SELENOT: variants seen among roughly 807,000 people sequenced by gnomAD.
The protein encoded by SELENOT is selenoprotein T.
In SELENOT, 9 loss-of-function variants were observed where a neutral mutation model predicts 24.3. The observed-to-expected ratio is 0.37, with a 90% CI of 0.22 to 0.65. The LOEUF (loss-of-function observed/expected upper bound fraction) is 0.65, where lower values mean the gene tolerates loss of function less well. SELENOT is among the 30% of genes least tolerant of loss of function. The pLI is 0.60. For synonymous variants in SELENOT, 81 were observed against 86.0 expected, an observed-to-expected ratio of 0.94 and a Z score of 0.32; for missense variants, 166 against 247.6, an observed-to-expected ratio of 0.67 and a Z score of 2.21.
At chr3:150,615,325 T>TA (rs1266454887) in intron 1 of SELENOT, among the ~76,000 whole-genome samples, 4 of 151,714 alleles carry the variant, frequency 2.6e-5, no homozygotes, top group Non-Finnish European at 4.4e-5. Context: ...GCAATAAACA[T>TA]ACGTGTGCAT....
intron 1 of SELENOT, among the ~76,000 whole-genome samples, chr3:150,615,163 A>G (rs962806865): frequency 6.7e-6 from 1 of 149,776 alleles, no homozygotes; most frequent in Admixed American, 6.7e-5. Flanking sequence ...ATGGTTTCCA[A>G]TTTCATCCAT....
chr3:150,623,993 T>C (rs188336550), intron 3 of SELENOT, among the ~76,000 whole-genome samples: 11 of 152,256 alleles, frequency 7.2e-5, no homozygotes, highest in African/African-American at 2.4e-4. Context: ...TGCTTCTTTT[T>C]CTTTGGGAAC....
At position 150,603,349 on chromosome 3, in the gene SELENOT, C is replaced by G. The variant is rs1431435195; in HGVS notation, c.-14C>G. The stretch of plus-strand genomic sequence containing the variant: ...GTCTGTCTGAGGGCGGCCGAAGTGG[C>G]TGGCTCATTTAAGATGAGGCTTCTG... On this transcript the variant is annotated 5_prime_UTR_variant, in exon 1 of 6. Coordinates refer to ENST00000471696, the MANE Select transcript of SELENOT (RefSeq NM_016275.5). The G allele has an allele frequency of 6.2e-7, 1 of 1,607,372 alleles. No homozygotes were observed. Among genetic ancestry groups the G allele is most frequent in the Non-Finnish European group, 8.5e-7 (1 of 1,175,242 alleles).
chr3:150,621,614 CTTTT>C (rs35489270), intron 1 of SELENOT, among the ~76,000 whole-genome samples: 1 of 80,576 alleles, frequency 1.2e-5, no homozygotes, highest in African/African-American at 4.7e-5. Flanking sequence ...GGCATATTTC[CTTTT>C]TTTTTTTTTT....
intron 1 of SELENOT, among the ~76,000 whole-genome samples, chr3:150,620,029 A>G (rs1418593417): frequency 6.6e-6 from 1 of 152,214 alleles, no homozygotes; most frequent in East Asian, 1.9e-4. Flanking sequence ...GAATCAGATT[A>G]TTAGCTAAAT....
chr3:150,609,485 G>C (rs1358958105), intron 1 of SELENOT, among the ~76,000 whole-genome samples: 1 of 152,106 alleles, frequency 6.6e-6, no homozygotes, highest in Non-Finnish European at 1.5e-5. Context: ...AAGTAGCTGA[G>C]ATTACAGGCG....
chr3:150,625,644 A>C (rs1458648018), intron 4 of SELENOT, among the ~76,000 whole-genome samples: 3 of 152,228 alleles, frequency 2.0e-5, no homozygotes, highest in Non-Finnish European at 2.9e-5. Context: ...TGGTTAAAAA[A>C]AAAACTAATG....
At chr3:150,615,605 T>G (rs1726193865) in intron 1 of SELENOT, among the ~76,000 whole-genome samples, 1 of 152,082 alleles carries the variant, frequency 6.6e-6, no homozygotes, top group Non-Finnish European at 1.5e-5. Context: ...CACAATTGCT[T>G]CAAAGAGAAT....
Position 150,629,740 on chromosome 3 carries a change from A to G in SELENOT, c.*2111A>G, listed in dbSNP as rs138480227. On this transcript the variant is annotated 3_prime_UTR_variant, in exon 6 of 6. Coordinates refer to ENST00000471696, the MANE Select transcript of SELENOT (RefSeq NM_016275.5). ...TTGTCTTACGCTTAGCCATATTTAA[A>G]TCTTGAATTTAATAGAGTCTAGTGA... 27 of 152,758 alleles carry G rather than the reference A, an allele frequency of 1.8e-4. No individual in the cohort carries two copies. In the East Asian group the frequency reaches 5.0e-3, roughly 28 times the overall value. The allele number at this position is 152,758 out of a possible 1,614,324, so 9.5% of individuals were successfully genotyped here.
At chr3:150,617,389 C>T (rs1367108312) in intron 1 of SELENOT, among the ~76,000 whole-genome samples, 1 of 152,034 alleles carries the variant, frequency 6.6e-6, no homozygotes, top group Non-Finnish European at 1.5e-5. Flanking sequence ...TCACTTGAGG[C>T]CAGGAGTTTG....
Position 150,609,632 on chromosome 3 carries a change from C to T in SELENOT, c.137+6133C>T, listed in dbSNP as rs138863107. Among the ~76,000 whole-genome samples the T allele has an allele frequency of 2.0e-5, 3 of 152,290 alleles. No homozygotes were observed. In the East Asian group the frequency reaches 5.8e-4, roughly 29 times the overall value. On this transcript the variant is annotated intron_variant, in intron 1 of 5. Coordinates refer to ENST00000471696, the MANE Select transcript of SELENOT (RefSeq NM_016275.5). ...AAAGTGTCGAGATTACAGGCAGGAGCCCCCTTGCCCAGCCTTGGTGTTTTC... is the reference window on the plus strand; with the variant it reads ...AAAGTGTCGAGATTACAGGCAGGAGTCCCCTTGCCCAGCCTTGGTGTTTTC...
At chr3:150,613,772 G>GAT (rs2108008585) in intron 1 of SELENOT, among the ~76,000 whole-genome samples, 1 of 140,258 alleles carries the variant, frequency 7.1e-6, no homozygotes, top group Non-Finnish European at 1.5e-5. Flanking sequence ...GGTTCCCTAA[G>GAT]ATTCTCAACA....
chr3:150,611,240 T>G (rs897895009), intron 1 of SELENOT: 27 of 1,142,784 alleles, frequency 2.4e-5, no homozygotes, highest in African/African-American at 4.7e-5. Context: ...CATCCAAGTT[T>G]TTAGTCTCAA....
intron 1 of SELENOT, 150 bp downstream of exon 1, chr3:150,603,649 C>A: frequency 3.1e-6 from 3 of 960,890 alleles, no homozygotes; most frequent in Non-Finnish European, 4.5e-6. Context: ...AGCCTTCTCG[C>A]GGCCCCTTAG....
intron 3 of SELENOT, 74 bp from the exon 4 acceptor site, chr3:150,624,738 C>T: frequency 1.1e-6 from 1 of 927,354 alleles, no homozygotes; most frequent in Non-Finnish European, 1.6e-6. Flanking sequence ...TTTATGGGAA[C>T]TTTTAAAGTA....
chr3:150,615,638 A>C (rs1726194760), intron 1 of SELENOT, among the ~76,000 whole-genome samples: 1 of 152,204 alleles, frequency 6.6e-6, no homozygotes, highest in African/African-American at 2.4e-5. Flanking sequence ...AATCCAACTT[A>C]CAAGGGATGT....
rs1318465438 is a variant in SELENOT at position 150,624,911 on chromosome 3, A to G, written c.463+12A>G. On this transcript the variant is annotated intron_variant, in intron 4 of 5. Transcript: ENST00000471696. The stretch of plus-strand genomic sequence containing the variant: ...GATAACTTTAAATGGTAGGTTCTGA[A>G]TAGTTTGCATTTTGTGATTGATTTT... 6.9e-6 allele frequency: 10 copies of G among 1,445,348 alleles called. No homozygotes were observed. Among genetic ancestry groups the G allele is most frequent in the Non-Finnish European group, 9.4e-6 (10 of 1,066,660 alleles). 89.5% of individuals were successfully genotyped at this position (1,445,348 alleles called of 1,614,324 possible). A position where few individuals can be genotyped will look rare whatever the true frequency, so the allele number is the denominator to read the frequency against.
chr3:150,626,812 T>A, intron 4 of SELENOT, 198 bp from the exon 5 acceptor site: 2 of 541,108 alleles, frequency 3.7e-6, no homozygotes, highest in Non-Finnish European at 6.5e-6. Flanking sequence ...AAGTACACAA[T>A]TGTAATTTTG....
At chr3:150,609,388 C>T (rs1726035450) in intron 1 of SELENOT, among the ~76,000 whole-genome samples, 1 of 152,118 alleles carries the variant, frequency 6.6e-6, no homozygotes. Flanking sequence ...CTCACTCTGT[C>T]ACCCAGGCTG....
Sources: gnomAD v4.1 joint callset for allele counts (sites outside exome capture counted in the v4.1 genomes callset) on GRCh38, gnomAD v4.1.1 for gene constraint, MANE v1.5 for transcripts, NCBI Gene and HGNC (gene_info 2026-07-23, HGNC 2026-07-21) for gene names.